CNTNAP2: variants seen among roughly 807,000 people sequenced by gnomAD.
The protein encoded by CNTNAP2 is contactin-associated protein-like 2.
A neutral mutation model predicts 155.2 loss-of-function variants in CNTNAP2; 98 were observed. The observed-to-expected ratio is 0.63, with a 90% CI of 0.54 to 0.75. CNTNAP2 has a LOEUF of 0.75. Among genes scored for constraint, CNTNAP2 ranks in the 30% least tolerant of loss-of-function variants. CNTNAP2 has a pLI of 0.00. For missense variants in CNTNAP2, 1,727 were observed against 1,688.1 expected (o/e 1.02, Z -0.40); for synonymous variants, 651 against 631.2 (o/e 1.03, Z -0.47).
chr7:147,359,972 G>T (rs1269295337), intron 9 of CNTNAP2, among the ~76,000 whole-genome samples: 1 of 151,946 alleles, frequency 6.6e-6, no homozygotes, highest in African/African-American at 2.4e-5. Flanking sequence ...AAACGTGAAA[G>T]TTCAAAGAAT....
chr7:146,973,080 G>T (rs1320054906), intron 3 of CNTNAP2, among the ~76,000 whole-genome samples: 1 of 152,156 alleles, frequency 6.6e-6, no homozygotes, highest in Non-Finnish European at 1.5e-5. Context: ...TCAGGCTGGA[G>T]TGCAATGGCA....
chr7:146,228,499 A>G (rs938610415), intron 1 of CNTNAP2, among the ~76,000 whole-genome samples: 2 of 152,224 alleles, frequency 1.3e-5, no homozygotes. Context: ...GATTGTAAAT[A>G]CTATGTAAAT....
chr7:147,248,027 T>C (rs1453350229), intron 8 of CNTNAP2, among the ~76,000 whole-genome samples: 1 of 152,164 alleles, frequency 6.6e-6, no homozygotes, highest in African/African-American at 2.4e-5. Context: ...TTACCATTAC[T>C]TTACCATTCT....
At chr7:148,238,611 C>T (rs997927307) in intron 20 of CNTNAP2, among the ~76,000 whole-genome samples, 28 of 152,248 alleles carry the variant, frequency 1.8e-4, no homozygotes, top group East Asian at 7.7e-4. Context: ...TATAGCGTTT[C>T]GTAGGGGGTC....
At chr7:148,019,184 G>C (rs1346529697) in intron 15 of CNTNAP2, among the ~76,000 whole-genome samples, 3 of 152,130 alleles carry the variant, frequency 2.0e-5, no homozygotes, top group Non-Finnish European at 4.4e-5. Flanking sequence ...ATTTTCTTTA[G>C]CATGGCATTC....
intron 21 of CNTNAP2, chr7:148,339,564 C>A (rs1256129107): frequency 1.3e-5 from 2 of 152,228 alleles, no homozygotes; most frequent in African/African-American, 4.8e-5. Context: ...TGAAGTCTGA[C>A]CCGGCCAGTG....
chr7:147,291,961 C>T (rs1805323108), intron 8 of CNTNAP2, among the ~76,000 whole-genome samples: 1 of 152,108 alleles, frequency 6.6e-6, no homozygotes, highest in Non-Finnish European at 1.5e-5. Flanking sequence ...TATTGATTTA[C>T]AGGAGCTCTT....
intron 1 of CNTNAP2, among the ~76,000 whole-genome samples, chr7:146,271,946 T>C (rs1800089008): frequency 6.6e-6 from 1 of 152,216 alleles, no homozygotes; most frequent in Non-Finnish European, 1.5e-5. Flanking sequence ...ATTGGAATTC[T>C]TCTACCAATA....
At chr7:146,443,972 C>G (rs1796364601) in intron 1 of CNTNAP2, among the ~76,000 whole-genome samples, 1 of 152,230 alleles carries the variant, frequency 6.6e-6, no homozygotes, top group East Asian at 1.9e-4. Flanking sequence ...AAAATTAATC[C>G]ATATCCCATT....
chr7:146,914,927 C>A (rs1001945927), intron 3 of CNTNAP2, among the ~76,000 whole-genome samples: 1 of 151,910 alleles, frequency 6.6e-6, no homozygotes, highest in Non-Finnish European at 1.5e-5. Context: ...CCAATGTTAT[C>A]TTCTAGAATT....
At chr7:147,627,759 T>C (rs954081854) in intron 12 of CNTNAP2, among the ~76,000 whole-genome samples, 1 of 136,376 alleles carries the variant, frequency 7.3e-6, no homozygotes, top group African/African-American at 2.7e-5. Context: ...ATTCTCCACA[T>C]AAATAGATGT....
chr7:146,252,841 A>G (rs188894898), intron 1 of CNTNAP2, among the ~76,000 whole-genome samples: 1 of 152,240 alleles, frequency 6.6e-6, no homozygotes, highest in African/African-American at 2.4e-5. Context: ...GATCCAGTTA[A>G]TTTCCTTCTT....
rs376449188 is a variant in CNTNAP2, at chr7:146,363,417, T to C, written c.97+246444T>C. Among the ~76,000 whole-genome samples, 9 of 152,336 alleles carry C rather than the reference T, an allele frequency of 5.9e-5. No individual in the cohort carries two copies. In the South Asian group the frequency reaches 1.9e-3, roughly 32 times the overall value. The stretch of plus-strand genomic sequence containing the variant: ...CACCATAAAATGGCACTTGAGTTCA[T>C]GGGAACAGATTATATTTTTCAGAGA... On this transcript the variant is annotated intron_variant, in intron 1 of 23. Coordinates refer to ENST00000361727, the MANE Select transcript of CNTNAP2 (RefSeq NM_014141.6).
At chr7:147,756,141 G>T (rs1797211138) in intron 13 of CNTNAP2, among the ~76,000 whole-genome samples, 1 of 152,162 alleles carries the variant, frequency 6.6e-6, no homozygotes, top group Admixed American at 6.5e-5. Context: ...TTGTTCTCTA[G>T]ATCAAGAATT....
At chr7:146,601,239 T>C (rs1186618844) in intron 1 of CNTNAP2, among the ~76,000 whole-genome samples, 7 of 152,146 alleles carry the variant, frequency 4.6e-5, no homozygotes, top group African/African-American at 1.7e-4. Context: ...ATGGGTACTG[T>C]ACTTTTCTGA....
intron 8 of CNTNAP2, among the ~76,000 whole-genome samples, chr7:147,230,012 A>C (rs1462534176): frequency 6.6e-6 from 1 of 152,158 alleles, no homozygotes; most frequent in Non-Finnish European, 1.5e-5. Flanking sequence ...AAGCAAAAAT[A>C]TAGTTACTAA....
intron 1 of CNTNAP2, among the ~76,000 whole-genome samples, chr7:146,319,011 A>T (rs1467562919): frequency 6.6e-6 from 1 of 152,134 alleles, no homozygotes; most frequent in Non-Finnish European, 1.5e-5. Flanking sequence ...CACAAAAGGT[A>T]GAGTAATACG....
chr7:147,894,089 T>A (rs909706840), intron 13 of CNTNAP2: 1 of 152,330 alleles, frequency 6.6e-6, no homozygotes. Context: ...CATCCCATCC[T>A]GGAGATTATT....
At chr7:146,420,941 CCT>C (rs776420106) in intron 1 of CNTNAP2, among the ~76,000 whole-genome samples, 1 of 151,904 alleles carries the variant, frequency 6.6e-6, no homozygotes. Context: ...TTCAGAATGC[CCT>C]GATAGTCACA....
Sources: allele counts gnomAD v4.1 joint callset (sites outside exome capture counted in the v4.1 genomes callset), GRCh38; gene constraint gnomAD v4.1.1; transcripts MANE v1.5; gene names NCBI Gene and HGNC (gene_info 2026-07-23, HGNC 2026-07-21).